Variants in PBX3 observed in about 807,000 individuals in gnomAD.
PBX3 encodes the protein pre-B-cell leukemia transcription factor 3.
PBX3 carries 14 observed loss-of-function variants against 48.5 expected under a neutral mutation model. The observed-to-expected ratio is 0.29, with a 90% confidence interval of 0.19 to 0.45. The LOEUF is 0.45. Ranked by LOEUF, PBX3 falls within the 20% of genes least tolerant of loss-of-function variation. PBX3 has a pLI of 1.00. For missense variants in PBX3, 386 were observed against 546.7 expected (o/e 0.71, Z 2.93); for synonymous variants, 210 against 200.3 (o/e 1.05, Z -0.41).
chr9:125,952,306 T>C (rs1842211900), intron 5 of PBX3, among the ~76,000 whole-genome samples: 1 of 152,230 alleles, frequency 6.6e-6, no homozygotes, highest in African/African-American at 2.4e-5. Flanking sequence ...ATCCTCTCCC[T>C]GACGCAGTTT....
intron 2 of PBX3, among the ~76,000 whole-genome samples, chr9:125,802,260 C>T (rs1244345748): frequency 6.6e-6 from 1 of 151,618 alleles, no homozygotes; most frequent in Non-Finnish European, 1.5e-5. Flanking sequence ...AGCCCCTGTC[C>T]CCACCCACCC....
chr9:125,915,131 G>A (rs1039129400), intron 2 of PBX3, among the ~76,000 whole-genome samples: 88 of 152,164 alleles, frequency 5.8e-4, no homozygotes, highest in African/African-American at 2.0e-3. Flanking sequence ...ACCTCATAAT[G>A]TGTGTATTCC....
chr9:125,797,644 A>G (rs1172593666), intron 2 of PBX3, among the ~76,000 whole-genome samples: 1 of 152,184 alleles, frequency 6.6e-6, no homozygotes, highest in African/African-American at 2.4e-5. Flanking sequence ...ATTAACATGT[A>G]CATCATTTCA....
chr9:125,885,813 T>C lies in PBX3; in HGVS notation c.275-29873T>C, dbSNP rs1221304486. Among the ~76,000 whole-genome samples the C allele has an allele frequency of 2.0e-5, 3 of 152,058 alleles. No individual in the cohort carries two copies. The East Asian group carries it at 5.8e-4, about 29-fold the overall frequency. The stretch of plus-strand genomic sequence containing the variant: ...ACTGTAGGGGATGTGTGTGTGTGTG[T>C]GTGTGTTAGTTTTACAGCAATAAGT... On this transcript the variant is annotated intron_variant, in intron 2 of 8. Coordinates refer to ENST00000373489, the MANE Select transcript of PBX3 (RefSeq NM_006195.6).
chr9:125,919,698 CTG>C (rs1258828147), intron 3 of PBX3, among the ~76,000 whole-genome samples: 2 of 152,168 alleles, frequency 1.3e-5, no homozygotes, highest in African/African-American at 4.8e-5. Context: ...ATTCACTCTA[CTG>C]TGTTTCACAA....
At chr9:125,902,706 T>C (rs1403142697) in intron 2 of PBX3, among the ~76,000 whole-genome samples, 2 of 151,724 alleles carry the variant, frequency 1.3e-5, no homozygotes, top group African/African-American at 4.8e-5. Context: ...CTGTGTGCTA[T>C]GTGCAATAAG....
At chr9:125,880,113 C>T (rs1047573561) in intron 2 of PBX3, among the ~76,000 whole-genome samples, 2 of 152,184 alleles carry the variant, frequency 1.3e-5, no homozygotes, top group Non-Finnish European at 2.9e-5. Flanking sequence ...GGTGCAATCT[C>T]GGCTCACTGC....
chr9:125,882,386 G>A (rs1227964019), intron 2 of PBX3, among the ~76,000 whole-genome samples: 1 of 152,198 alleles, frequency 6.6e-6, no homozygotes, highest in Non-Finnish European at 1.5e-5. Context: ...CAGGCTTTGT[G>A]TATCTCTCAT....
chr9:125,952,623 A>G (rs1842217510), intron 5 of PBX3, among the ~76,000 whole-genome samples: 1 of 152,224 alleles, frequency 6.6e-6, no homozygotes, highest in South Asian at 2.1e-4. Context: ...AATTATTTTA[A>G]GAATTCTCAA....
chr9:125,769,222 C>T (rs1437985727), intron 2 of PBX3, among the ~76,000 whole-genome samples: 3 of 152,138 alleles, frequency 2.0e-5, no homozygotes, highest in East Asian at 1.9e-4. Flanking sequence ...AGTGTGGTGC[C>T]GCTGTCTTGC....
At chr9:125,800,539 C>A (rs1232562641) in intron 2 of PBX3, among the ~76,000 whole-genome samples, 1 of 152,094 alleles carries the variant, frequency 6.6e-6, no homozygotes, top group African/African-American at 2.4e-5. Flanking sequence ...CTCTGCTATT[C>A]CTCAACATAA....
chr9:125,882,595 T>C (rs1301247074), intron 2 of PBX3, among the ~76,000 whole-genome samples: 1 of 152,236 alleles, frequency 6.6e-6, no homozygotes, highest in African/African-American at 2.4e-5. Context: ...AGATTTAGAA[T>C]TGAATTTAGA....
chr9:125,755,682 T>G (rs952329268), intron 2 of PBX3, among the ~76,000 whole-genome samples: 5 of 150,028 alleles, frequency 3.3e-5, no homozygotes, highest in Non-Finnish European at 5.9e-5. Flanking sequence ...GTTTTTTTTT[T>G]TTTTTTTTTT....
chr9:125,793,068 A>G (rs1837658533), intron 2 of PBX3, among the ~76,000 whole-genome samples: 1 of 151,572 alleles, frequency 6.6e-6, no homozygotes, highest in Non-Finnish European at 1.5e-5. Flanking sequence ...AAAAAAATAT[A>G]TTGGCCAGGT....
chr9:125,824,962 C>A (rs1256136563), intron 2 of PBX3, among the ~76,000 whole-genome samples: 2 of 152,116 alleles, frequency 1.3e-5, no homozygotes, highest in Admixed American at 1.3e-4. Context: ...TTTTCAGGAT[C>A]TCTTTCCATA....
chr9:125,937,849 C>T (rs1240827086), intron 5 of PBX3, among the ~76,000 whole-genome samples: 2 of 152,042 alleles, frequency 1.3e-5, no homozygotes, highest in Non-Finnish European at 2.9e-5. Context: ...TTTGTACAGA[C>T]AGGGATTCAC....
intron 2 of PBX3, among the ~76,000 whole-genome samples, chr9:125,753,988 T>C (rs1478830792): frequency 1.3e-5 from 2 of 152,120 alleles, no homozygotes; most frequent in Non-Finnish European, 2.9e-5. Flanking sequence ...AGTTACATTA[T>C]ATGAAGTGGG....
At chr9:125,940,094 AT>A (rs1403968546) in intron 5 of PBX3, among the ~76,000 whole-genome samples, 1 of 152,204 alleles carries the variant, frequency 6.6e-6, no homozygotes, top group East Asian at 1.9e-4. Flanking sequence ...AGGCAGGAGA[AT>A]TGCTTGAATC....
At chr9:125,934,392 TAAG>T (rs1372211728) in intron 4 of PBX3, among the ~76,000 whole-genome samples, 1 of 152,210 alleles carries the variant, frequency 6.6e-6, no homozygotes, top group Non-Finnish European at 1.5e-5. Context: ...AAGAAAGTAT[TAAG>T]AAAATTATCT....
Sources: allele counts gnomAD v4.1 joint callset (sites outside exome capture counted in the v4.1 genomes callset), GRCh38; gene constraint gnomAD v4.1.1; transcripts MANE v1.5; gene names NCBI Gene and HGNC (gene_info 2026-07-23, HGNC 2026-07-21).